THRB: variants seen among roughly 807,000 people sequenced by gnomAD.
THRB encodes the protein thyroid hormone receptor beta.
In THRB, 12 loss-of-function variants were observed where a neutral mutation model predicts 47.8. That is an observed-to-expected ratio of 0.25 (90% confidence interval 0.16 to 0.41). THRB has a LOEUF of 0.41. Ranked by LOEUF, THRB falls within the 10% of genes least tolerant of loss-of-function variation. The pLI is 1.00. For missense variants in THRB, 348 were observed against 589.2 expected (o/e 0.59, Z 4.24); for synonymous variants, 218 against 212.2 (o/e 1.03, Z -0.24).
intron 3 of THRB, among the ~76,000 whole-genome samples, chr3:24,264,524 C>T (rs147118362): frequency 0.013 from 1,426 of 106,170 alleles, 19 homozygotes; most frequent in African/African-American, 0.049. Context: ...GCTGACAATG[C>T]GTAAACTAAA....
At chr3:24,372,738 A>G (rs958499386) in intron 1 of THRB, among the ~76,000 whole-genome samples, 1 of 152,108 alleles carries the variant, frequency 6.6e-6, no homozygotes, top group African/African-American at 2.4e-5. Context: ...CCAATGTCTC[A>G]GGAAATTAAA....
At chr3:24,298,701 G>T (rs1233035759) in intron 2 of THRB, among the ~76,000 whole-genome samples, 1 of 152,144 alleles carries the variant, frequency 6.6e-6, no homozygotes, top group Non-Finnish European at 1.5e-5. Context: ...CCTTAGGGAG[G>T]AAGTGAATTG....
At chr3:24,425,716 G>C (rs919724584) in intron 1 of THRB, among the ~76,000 whole-genome samples, 2 of 151,834 alleles carry the variant, frequency 1.3e-5, no homozygotes, top group Non-Finnish European at 2.9e-5. Context: ...GCCTATGGGG[G>C]ATTATTCTAA....
chr3:24,437,346 A>T (rs1336576687), intron 1 of THRB, among the ~76,000 whole-genome samples: 1 of 151,992 alleles, frequency 6.6e-6, no homozygotes, highest in Non-Finnish European at 1.5e-5. Flanking sequence ...TATCTCATGG[A>T]GGAAGACAGC....
intron 2 of THRB, among the ~76,000 whole-genome samples, chr3:24,301,643 T>A (rs1278551092): frequency 6.6e-6 from 1 of 152,216 alleles, no homozygotes; most frequent in Non-Finnish European, 1.5e-5. Context: ...GGTATAAAAT[T>A]ATTCTCCCAA....
At chr3:24,456,760 T>A (rs897494664) in intron 1 of THRB, among the ~76,000 whole-genome samples, 3 of 151,932 alleles carry the variant, frequency 2.0e-5, no homozygotes, top group Admixed American at 1.3e-4. Context: ...GTATACAATA[T>A]CTTATACACT....
At chr3:24,480,182 A>G (rs1263291691) in intron 1 of THRB, among the ~76,000 whole-genome samples, 1 of 152,190 alleles carries the variant, frequency 6.6e-6, no homozygotes, top group Non-Finnish European at 1.5e-5. Context: ...TTGAATTTTC[A>G]TCTCAGAGTT....
At chr3:24,443,237 A>G (rs938855327) in intron 1 of THRB, among the ~76,000 whole-genome samples, 3 of 152,202 alleles carry the variant, frequency 2.0e-5, no homozygotes, top group African/African-American at 7.2e-5. Context: ...AATTACCAAA[A>G]TTGCCACAAA....
intron 6 of THRB, among the ~76,000 whole-genome samples, chr3:24,147,186 ATG>A (rs2036209418): frequency 6.6e-6 from 1 of 152,220 alleles, no homozygotes; most frequent in African/African-American, 2.4e-5. Flanking sequence ...AAATTAAGCT[ATG>A]AGGAGTTTTG....
At chr3:24,476,073 C>G (rs1396691513) in intron 1 of THRB, among the ~76,000 whole-genome samples, 2 of 152,214 alleles carry the variant, frequency 1.3e-5, no homozygotes, top group East Asian at 3.9e-4. Flanking sequence ...AAGGCACTTT[C>G]AGAGACAACT....
At chr3:24,335,896 G>A in intron 2 of THRB, among the ~76,000 whole-genome samples, 1 of 152,230 alleles carries the variant, frequency 6.6e-6, no homozygotes, top group Non-Finnish European at 1.5e-5. Flanking sequence ...GGTGGGAATG[G>A]AAGACCTCTG....
At chr3:24,131,023 G>A (rs572072691) in intron 9 of THRB, among the ~76,000 whole-genome samples, 3 of 152,162 alleles carry the variant, frequency 2.0e-5, no homozygotes, top group East Asian at 3.8e-4. Flanking sequence ...TGCTGGTAAC[G>A]ATCTGCTTCT....
intron 5 of THRB, among the ~76,000 whole-genome samples, chr3:24,177,520 G>T (rs1435624446): frequency 6.6e-6 from 1 of 152,118 alleles, no homozygotes; most frequent in African/African-American, 2.4e-5. Context: ...AATCAAACAG[G>T]CATGTTCAGA....
At chr3:24,137,694 T>C (rs1046067297) in intron 8 of THRB, among the ~76,000 whole-genome samples, 30 of 151,990 alleles carry the variant, frequency 2.0e-4, no homozygotes, top group African/African-American at 6.0e-4. Flanking sequence ...TTGTAGACCA[T>C]AGAAAGGAGA....
intron 1 of THRB, among the ~76,000 whole-genome samples, chr3:24,447,346 T>A (rs886927858): frequency 2.0e-5 from 3 of 152,140 alleles, no homozygotes; most frequent in Non-Finnish European, 4.4e-5. Flanking sequence ...TTTAAAAAAA[T>A]TAACTCCTGA....
intron 1 of THRB, among the ~76,000 whole-genome samples, chr3:24,482,609 A>C (rs1696649017): frequency 7.0e-6 from 1 of 142,704 alleles, no homozygotes; most frequent in Non-Finnish European, 1.5e-5. Flanking sequence ...AGGACACAGG[A>C]CCCCCAGCTT....
intron 1 of THRB, among the ~76,000 whole-genome samples, chr3:24,403,410 C>T (rs1366611514): frequency 6.6e-6 from 1 of 151,942 alleles, no homozygotes; most frequent in Admixed American, 6.6e-5. Context: ...TAACATTTCT[C>T]AAATCTAGGA....
intron 1 of THRB, among the ~76,000 whole-genome samples, chr3:24,425,274 T>C (rs571004334): frequency 6.6e-6 from 1 of 152,024 alleles, no homozygotes; most frequent in South Asian, 2.1e-4. Flanking sequence ...GTTCTTGCTA[T>C]ATATTACTAG....
chr3:24,459,198 T>A (rs1352166635), intron 1 of THRB: 1 of 152,134 alleles, frequency 6.6e-6, no homozygotes, highest in Admixed American at 6.5e-5. Flanking sequence ...AGTGAGAACA[T>A]GTGGTGTTTG....
Sources: allele counts gnomAD v4.1 joint callset (sites outside exome capture counted in the v4.1 genomes callset), GRCh38; gene constraint gnomAD v4.1.1; transcripts MANE v1.5; gene names NCBI Gene and HGNC (gene_info 2026-07-23, HGNC 2026-07-21).